SLIT3: variants seen among roughly 807,000 people sequenced by gnomAD.
SLIT3 encodes slit homolog 3 protein.
SLIT3 carries 68 observed loss-of-function variants against 184.0 expected under a neutral mutation model. The observed-to-expected ratio is 0.37, with a 90% confidence interval of 0.30 to 0.45. SLIT3 has a LOEUF of 0.45. Ranked by LOEUF, SLIT3 falls within the 20% of genes least tolerant of loss-of-function variation. SLIT3 has a pLI of 1.00. For synonymous variants in SLIT3, 831 were observed against 828.6 expected (o/e 1.00, Z -0.05); for missense variants, 1,707 against 2,026.0 (o/e 0.84, Z 3.02).
At chr5:168,984,851 C>T (rs1755071611) in intron 4 of SLIT3, among the ~76,000 whole-genome samples, 1 of 152,144 alleles carries the variant, frequency 6.6e-6, no homozygotes. Context: ...TGTTAAACAC[C>T]AGATTGCTGC....
chr5:169,192,298 G>A (rs979447911), intron 4 of SLIT3, among the ~76,000 whole-genome samples: 3 of 152,274 alleles, frequency 2.0e-5, no homozygotes, highest in African/African-American at 7.2e-5. Flanking sequence ...GAGGAGACCT[G>A]ACAAAGTGCA....
chr5:168,964,367 G>T (rs1763111523), intron 4 of SLIT3, among the ~76,000 whole-genome samples: 1 of 152,230 alleles, frequency 6.6e-6, no homozygotes, highest in African/African-American at 2.4e-5. Flanking sequence ...AAGTTTCCTG[G>T]ATGAATTACT....
chr5:168,947,019 C>T (rs780402188), intron 4 of SLIT3, among the ~76,000 whole-genome samples: 3 of 152,136 alleles, frequency 2.0e-5, no homozygotes, highest in Non-Finnish European at 4.4e-5. Flanking sequence ...TATTATGTCT[C>T]ACACTAGCAT....
Position 168,671,425 on chromosome 5 carries a change from G to A in SLIT3, c.3900C>T (p.Gly1300=), listed in dbSNP as rs140984258. The change falls in exon 34 of 36, where the codon GGC becomes GGT. Residue 1300 remains glycine (G), a synonymous_variant. Coordinates refer to ENST00000519560, the MANE Select transcript of SLIT3 (RefSeq NM_003062.4). ...ALRQGTDRPL[G]GFHGCIHEVR... ...CCTCATGGATGCATCCGTGGAAGCC[G>A]CCTAGAGGCCGGTCCGTGCCCTGGC... The A allele has an allele frequency of 1.3e-5, 21 of 1,613,578 alleles. No homozygotes were observed. Among genetic ancestry groups the A allele is most frequent in the African/African-American group, 4.0e-5 (3 of 74,940 alleles).
chr5:168,937,275 C>T (rs766967201), intron 4 of SLIT3, among the ~76,000 whole-genome samples: 2 of 152,074 alleles, frequency 1.3e-5, no homozygotes, highest in Non-Finnish European at 2.9e-5. Flanking sequence ...TTTTCATTAT[C>T]GTTTCTACCC....
At chr5:169,029,889 A>G (rs1756960223) in intron 4 of SLIT3, among the ~76,000 whole-genome samples, 1 of 152,216 alleles carries the variant, frequency 6.6e-6, no homozygotes, top group Non-Finnish European at 1.5e-5. Context: ...CCATTAATCC[A>G]GTTAATCCTC....
intron 4 of SLIT3, among the ~76,000 whole-genome samples, chr5:169,086,479 A>T (rs1759302022): frequency 6.6e-6 from 1 of 152,246 alleles, no homozygotes; most frequent in African/African-American, 2.4e-5. Context: ...TCGGCCTGAA[A>T]ATTCATTTGT....
At chr5:169,221,361 G>A (rs911830145) in intron 3 of SLIT3, among the ~76,000 whole-genome samples, 2 of 152,108 alleles carry the variant, frequency 1.3e-5, no homozygotes, top group Non-Finnish European at 2.9e-5. Flanking sequence ...CATTCAACAG[G>A]CTGTCATTAT....
At chr5:169,201,350 T>A (rs1023286867) in intron 3 of SLIT3, among the ~76,000 whole-genome samples, 4 of 152,172 alleles carry the variant, frequency 2.6e-5, no homozygotes, top group African/African-American at 9.7e-5. Flanking sequence ...AGAACCCTTT[T>A]AAAAAATAAC....
intron 3 of SLIT3, among the ~76,000 whole-genome samples, chr5:169,202,478 C>A (rs2113490567): frequency 6.6e-6 from 1 of 152,242 alleles, no homozygotes; most frequent in Middle Eastern, 3.4e-3. Context: ...CCACACAGCC[C>A]AAACTTAAGG....
intron 4 of SLIT3, among the ~76,000 whole-genome samples, chr5:169,042,595 G>A (rs1757483657): frequency 6.6e-6 from 1 of 152,166 alleles, no homozygotes; most frequent in African/African-American, 2.4e-5. Context: ...AAAGCCTGAT[G>A]AAGAATGAGA....
In SLIT3 at chr5:169,128,445, T is replaced by G. The variant is rs944074963; in HGVS notation, c.413+65034A>C. Among the ~76,000 whole-genome samples, 3 of 152,106 alleles carry G rather than the reference T, an allele frequency of 2.0e-5. No homozygotes were observed. The East Asian group carries it at 5.8e-4, about 29-fold the overall frequency. On this transcript the variant is annotated intron_variant, in intron 4 of 35. Coordinates refer to ENST00000519560, the MANE Select transcript of SLIT3 (RefSeq NM_003062.4). ...ATATATCTTTATTTATTTATCTTTT[T>G]TAAGGTGGAGACACCCTGTTTTGCC...
At chr5:169,027,449 T>C (rs1454570193) in intron 4 of SLIT3, among the ~76,000 whole-genome samples, 1 of 152,226 alleles carries the variant, frequency 6.6e-6, no homozygotes. Flanking sequence ...TGCAGAAGTC[T>C]GGCCCACACT....
intron 4 of SLIT3, among the ~76,000 whole-genome samples, chr5:169,055,561 G>T (rs1757966933): frequency 6.6e-6 from 1 of 152,212 alleles, no homozygotes; most frequent in South Asian, 2.1e-4. Flanking sequence ...GTTGGAGAAG[G>T]TCGGGCGCAG....
intron 4 of SLIT3, among the ~76,000 whole-genome samples, chr5:168,888,156 C>G (rs1014515262): frequency 3.9e-5 from 6 of 152,198 alleles, no homozygotes; most frequent in Middle Eastern, 3.4e-3. Flanking sequence ...AGGATGGAAA[C>G]CTAATGGAAA....
chr5:168,751,471 C>T (rs772302753), intron 18 of SLIT3, among the ~76,000 whole-genome samples: 82 of 152,162 alleles, frequency 5.4e-4, no homozygotes, highest in Non-Finnish European at 9.0e-4. Context: ...ATCCTCATAA[C>T]CATCCTAGGA....
intron 8 of SLIT3, among the ~76,000 whole-genome samples, chr5:168,807,469 CTT>C (rs1487187937): frequency 2.0e-5 from 3 of 152,184 alleles, no homozygotes; most frequent in Non-Finnish European, 4.4e-5. Context: ...AGGTAAGACT[CTT>C]AATCATATGG....
chr5:168,806,315 G>T, intron 9 of SLIT3, 131 bp downstream of exon 9: 1 of 963,804 alleles, frequency 1.0e-6, no homozygotes, highest in East Asian at 2.5e-5. Flanking sequence ...GGACAGCAAA[G>T]AGATTCCTGA....
chr5:168,967,365 A>C, intron 4 of SLIT3, among the ~76,000 whole-genome samples: 1 of 151,200 alleles, frequency 6.6e-6, no homozygotes, highest in East Asian at 1.9e-4. Context: ...ACTTCTCTAC[A>C]GTAAATATAT....
Sources: gnomAD v4.1 joint callset for allele counts (sites outside exome capture counted in the v4.1 genomes callset) on GRCh38, gnomAD v4.1.1 for gene constraint, MANE v1.5 for transcripts, NCBI Gene and HGNC (gene_info 2026-07-23, HGNC 2026-07-21) for gene names.